SRPRA: variants seen among roughly 807,000 people sequenced by gnomAD.
The protein encoded by SRPRA is SRP receptor subunit alpha.
SRPRA carries 30 observed loss-of-function variants against 61.1 expected under a neutral mutation model. The observed-to-expected ratio is 0.49, with a 90% CI of 0.37 to 0.67. SRPRA has a LOEUF of 0.67. Among genes scored for constraint, SRPRA ranks in the 30% least tolerant of loss-of-function variants. The pLI is 0.00. For synonymous variants in SRPRA, 324 were observed against 299.7 expected (o/e 1.08, Z -0.84); for missense variants, 759 against 828.4 (o/e 0.92, Z 1.03).
chr11:126,262,220 A>G, downstream of SRPRA: 1 of 1,436,520 alleles, frequency 7.0e-7, no homozygotes, highest in Middle Eastern at 1.8e-4. Context: ...CAAGAACCCA[A>G]CACAATTCCC....
the SRPRA span, chr11:126,256,813 A>C: frequency 3.7e-6 from 6 of 1,612,636 alleles, no homozygotes; most frequent in African/African-American, 8.0e-5. The surrounding 1 kb of genome is among the most constrained non-coding windows in gnomAD (Gnocchi z 6.6). Flanking sequence ...AGAATATTTC[A>C]AGCGACTGAC....
downstream of SRPRA, chr11:126,262,396 A>G (rs1458426328): frequency 5.6e-6 from 3 of 539,294 alleles, no homozygotes; most frequent in African/African-American, 5.7e-5. Flanking sequence ...TCCCCAGGCT[A>G]GACATGCTTG....
At position 126,265,178 on chromosome 11, in the gene SRPRA, A is replaced by C. The variant is rs1171217317; in HGVS notation, c.1312-6T>G. 6.2e-7 allele frequency: 1 copy of C among 1,614,108 alleles called. No homozygotes were observed. The highest frequency in any genetic ancestry group is 1.1e-5 in the South Asian group (1 of 91,068). ...TCTAACAACCAGAAGGAAATCTGTG[A>C]AAAAGACGTAAGAAAAGTCACCTAA... On this transcript the variant is annotated splice_polypyrimidine_tract_variant and splice_region_variant and intron_variant, in intron 10 of 13. Transcript: ENST00000332118. The surrounding 1 kb of genome is among the most constrained non-coding windows in gnomAD (Gnocchi z 6.3).
the SRPRA span, chr11:126,250,802 T>TG: frequency 3.2e-6 from 4 of 1,235,436 alleles, no homozygotes; most frequent in Non-Finnish European, 4.6e-6. This position sits in a 1 kb window ranked among gnomAD's most constrained non-coding sequence, Gnocchi z 5.1. Flanking sequence ...AGCTCTTTTC[T>TG]AGTTGGTATA....
chr11:126,265,699 C>T lies in SRPRA; in HGVS notation c.1138+38G>A, dbSNP rs975507799. 1.2e-6 allele frequency: 2 copies of T among 1,607,276 alleles called. No individual in the cohort carries two copies. The highest frequency in any genetic ancestry group is 1.7e-6 in the Non-Finnish European group (2 of 1,174,174). The stretch of plus-strand genomic sequence containing the variant: ...AAGAACTGAGGTCTATGCACTTAAC[C>T]TACACATAAGCACTTTCTCACTTAG... On this transcript the variant is annotated intron_variant, in intron 9 of 13. Coordinates refer to ENST00000332118, the MANE Select transcript of SRPRA (RefSeq NM_003139.4). The surrounding 1 kb of genome is among the most constrained non-coding windows in gnomAD (Gnocchi z 6.3).
At position 126,264,096 on chromosome 11, in the gene SRPRA, C is replaced by T; in HGVS notation, c.1789-52G>A. ...CAACACAAGCCCACTTTTCACTCACCCTCTCAGGAACAGGAAGCGCTGGAG... is the reference window on the plus strand; with the variant it reads ...CAACACAAGCCCACTTTTCACTCACTCTCTCAGGAACAGGAAGCGCTGGAG... On this transcript the variant is annotated intron_variant, in intron 13 of 13. Coordinates refer to ENST00000332118, the MANE Select transcript of SRPRA (RefSeq NM_003139.4). The surrounding 1 kb of genome is among the most constrained non-coding windows in gnomAD (Gnocchi z 5.0). The T allele has an allele frequency of 1.2e-6, 2 of 1,613,388 alleles. No homozygotes were observed. The highest frequency in any genetic ancestry group is 1.1e-5 in the South Asian group (1 of 90,964).
the SRPRA span, chr11:126,254,511 G>C: frequency 1.3e-6 from 2 of 1,557,568 alleles, no homozygotes; most frequent in South Asian, 2.3e-5. Context: ...ATCTTAAAGG[G>C]GAACATCTTC....
the SRPRA span, among the ~76,000 whole-genome samples, chr11:126,248,750 C>T: frequency 6.6e-6 from 1 of 152,172 alleles, no homozygotes; most frequent in African/African-American, 2.4e-5. Context: ...CATGGAGGCA[C>T]GGCCCTCGTG....
rs747490120 is a variant in SRPRA, at chr11:126,264,983, T to C, written c.1501A>G (p.Ile501Val). 3 of 1,614,058 alleles carry C rather than the reference T, an allele frequency of 1.9e-6. No individual in the cohort carries two copies. The East Asian group carries it at 6.7e-5, about 36-fold the overall frequency. ...EKGYGKDAAGIAMEAIAFARN... is the reference protein window; with the variant it reads ...EKGYGKDAAGVAMEAIAFARN... The stretch of plus-strand genomic sequence containing the variant: ...CCAAAAGCAATGGCTTCCATGGCAA[T>C]GCCAGCAGCATCCTTGCCATAGCCC... The change falls in exon 11 of 14, where the codon ATT (isoleucine) becomes GTT (valine). Residue 501 changes from isoleucine to valine, a missense_variant. Ile to Val is a conservative substitution (Grantham distance 29). Transcript: ENST00000332118. This position sits in a 1 kb window ranked among gnomAD's most constrained non-coding sequence, Gnocchi z 5.0.
the SRPRA span, chr11:126,256,553 TCTTTTC>T: frequency 6.2e-7 from 1 of 1,612,244 alleles, no homozygotes; most frequent in Non-Finnish European, 8.5e-7. The surrounding 1 kb of genome is among the most constrained non-coding windows in gnomAD (Gnocchi z 6.6). Context: ...ATATGTTGTA[TCTTTTC>T]CTTCCAGAGA....
At chr11:126,259,749 TTCTC>T (rs1336922489), downstream of SRPRA, among the ~76,000 whole-genome samples, 3 of 136,902 alleles carry the variant, frequency 2.2e-5, no homozygotes, top group Admixed American at 7.5e-5. Flanking sequence ...GAGATGGAGT[TTCTC>T]TCTGTCACCC....
chr11:126,243,020 G>A, the SRPRA span, among the ~76,000 whole-genome samples: 7 of 152,184 alleles, frequency 4.6e-5, no homozygotes, highest in Non-Finnish European at 8.8e-5. Flanking sequence ...ATGTTAATTG[G>A]CCATTAAAAG....
chr11:126,265,701 A>C lies in SRPRA; in HGVS notation c.1138+36T>G. The C allele has an allele frequency of 6.2e-7, 1 of 1,607,792 alleles. No homozygotes were observed. The highest frequency in any genetic ancestry group is 8.5e-7 in the Non-Finnish European group (1 of 1,174,388). ...GAACTGAGGTCTATGCACTTAACCTACACATAAGCACTTTCTCACTTAGGT... is the reference window on the plus strand; with the variant it reads ...GAACTGAGGTCTATGCACTTAACCTCCACATAAGCACTTTCTCACTTAGGT... On this transcript the variant is annotated intron_variant, in intron 9 of 13. Transcript: ENST00000332118. The surrounding 1 kb of genome is among the most constrained non-coding windows in gnomAD (Gnocchi z 6.3).
At chr11:126,255,550 A>G in the SRPRA span, among the ~76,000 whole-genome samples, 5 of 152,156 alleles carry the variant, frequency 3.3e-5, no homozygotes, top group Non-Finnish European at 5.9e-5. The surrounding 1 kb of genome is among the most constrained non-coding windows in gnomAD (Gnocchi z 4.6). Flanking sequence ...AGCAAATCCG[A>G]TGATGGAATT....
At chr11:126,240,946 CTT>C in the SRPRA span, 1 of 1,614,084 alleles carries the variant, frequency 6.2e-7, no homozygotes, top group Non-Finnish European at 8.5e-7. Context: ...TGATTTTGAT[CTT>C]TTAGAAGATG....
In SRPRA at chr11:126,265,631, A is replaced by G. The variant is rs533496522; in HGVS notation, c.1138+106T>C. On this transcript the variant is annotated intron_variant, in intron 9 of 13. Transcript: ENST00000332118. The surrounding 1 kb of genome is among the most constrained non-coding windows in gnomAD (Gnocchi z 6.3). ...ATAACCCTTAAAATCTAGGTTACAG[A>G]GGTTTAGAGGTTAAGGAATTTGCCG... 18 of 1,325,532 alleles carry G rather than the reference A, an allele frequency of 1.4e-5. No individual in the cohort carries two copies. The Admixed American group carries it at 3.1e-4, about 22-fold the overall frequency. 82.1% of individuals were successfully genotyped at this position (1,325,532 alleles called of 1,614,324 possible).
rs1950849570 is a variant in SRPRA at position 126,267,887 on chromosome 11, C to T, written c.201+116G>A. 2 of 1,405,326 alleles carry T rather than the reference C, an allele frequency of 1.4e-6. No individual in the cohort carries two copies. Among genetic ancestry groups the T allele is most frequent in the Non-Finnish European group, 2.0e-6 (2 of 1,008,360 alleles). The allele number at this position is 1,405,326 out of a possible 1,614,324, so 87.1% of individuals were successfully genotyped here. A position where few individuals can be genotyped will look rare whatever the true frequency, so the allele number is the denominator to read the frequency against. ...AGTAGCTGCTGTTTTCCCCCATCTA[C>T]CTTTCTAGTTTTTTCAGTTACGTCA... On this transcript the variant is annotated intron_variant, in intron 2 of 13. Transcript: ENST00000332118. The surrounding 1 kb of genome is among the most constrained non-coding windows in gnomAD (Gnocchi z 4.2).
downstream of SRPRA, chr11:126,261,995 C>T (rs537056086): frequency 2.3e-6 from 2 of 882,142 alleles, no homozygotes; most frequent in African/African-American, 1.7e-5. Flanking sequence ...AAATAAATTA[C>T]AAGATTCCTA....
At chr11:126,250,555 T>C in the SRPRA span, 13 of 1,614,016 alleles carry the variant, frequency 8.1e-6, no homozygotes, top group Non-Finnish European at 1.1e-5. The surrounding 1 kb of genome is among the most constrained non-coding windows in gnomAD (Gnocchi z 5.1). Context: ...TTATATGAAG[T>C]ATTTGATGAC....
Sources: gnomAD v4.1 joint callset for allele counts (sites outside exome capture counted in the v4.1 genomes callset) on GRCh38, gnomAD v4.1.1 for gene constraint, Gnocchi (gnomAD v3.1) non-coding constraint, MANE v1.5 for transcripts, NCBI Gene and HGNC (gene_info 2026-07-23, HGNC 2026-07-21) for gene names.